Variants in AGAP1 observed in about 807,000 individuals in gnomAD.
AGAP1 encodes the protein arf-GAP with GTPase, ANK repeat and PH domain-containing protein 1.
AGAP1 carries 29 observed loss-of-function variants against 105.3 expected under a neutral mutation model. The ratio of observed to expected loss-of-function variants is 0.28; its 90% CI spans 0.21 to 0.38. The LOEUF (loss-of-function observed/expected upper bound fraction) is 0.38, where lower values mean the gene tolerates loss of function less well. Ranked by LOEUF, AGAP1 falls within the 10% of genes least tolerant of loss-of-function variation. AGAP1 has a pLI of 1.00. For synonymous variants in AGAP1, 509 were observed against 485.9 expected (o/e 1.05, Z -0.63); for missense variants, 998 against 1,165.1 (o/e 0.86, Z 2.09).
At position 235,893,458 on chromosome 2, in the gene AGAP1, T is replaced by C. The variant is rs1375258885; in HGVS notation, c.1155+10009T>C. On this transcript the variant is annotated intron_variant, in intron 10 of 17. Transcript: ENST00000304032. The surrounding 1 kb of genome is among the most constrained non-coding windows in gnomAD (Gnocchi z 4.7). The stretch of plus-strand genomic sequence containing the variant: ...TCATAAGGAAGAGCTGTGTCTGTGG[T>C]GCGGGTGCACCATGTCCATCATAAG... 1.3e-5 allele frequency among the ~76,000 whole-genome samples: 2 copies of C among 149,932 alleles called. No individual in the cohort carries two copies. Among genetic ancestry groups the C allele is most frequent in the Non-Finnish European group, 3.0e-5 (2 of 67,606 alleles).
At chr2:235,924,895 C>T (rs906446237) in intron 11 of AGAP1, among the ~76,000 whole-genome samples, 1 of 152,180 alleles carries the variant, frequency 6.6e-6, no homozygotes, top group Non-Finnish European at 1.5e-5. Flanking sequence ...ACTCTGTCCA[C>T]ATCCCCTGCA....
rs7606029 is a variant in AGAP1 at position 236,060,867 on chromosome 2, G to T, written c.2114+11586G>T. Among the ~76,000 whole-genome samples the T allele has an allele frequency of 7.4e-3, 1,129 of 152,202 alleles. 12 individuals are homozygous for T. The highest frequency in any genetic ancestry group is 0.025 in the African/African-American group (1,040 of 41,530). On this transcript the variant is annotated intron_variant, in intron 16 of 17. Coordinates refer to ENST00000304032, the MANE Select transcript of AGAP1 (RefSeq NM_001037131.3). ...ACTTGAGGCCAGCATCTCAAGACCTGCCTGATCAACATAGTGAGACCCCAC... is the reference window on the plus strand; with the variant it reads ...ACTTGAGGCCAGCATCTCAAGACCTTCCTGATCAACATAGTGAGACCCCAC...
intron 11 of AGAP1, among the ~76,000 whole-genome samples, chr2:235,921,775 T>C (rs1012502477): frequency 6.6e-6 from 1 of 152,198 alleles, no homozygotes; most frequent in African/African-American, 2.4e-5. Context: ...AAAACAAGTA[T>C]CACAGGATGC....
chr2:236,025,552 T>C (rs1421787737), intron 13 of AGAP1, among the ~76,000 whole-genome samples: 1 of 152,116 alleles, frequency 6.6e-6, no homozygotes, highest in South Asian at 2.1e-4. Context: ...ACTGTTTACA[T>C]AATGAGCGTA....
chr2:236,116,173 C>T (rs1551253), intron 16 of AGAP1, among the ~76,000 whole-genome samples: 46,784 of 151,704 alleles, frequency 0.31, 7,471 homozygotes, highest in South Asian at 0.4. Context: ...AGTGCAATGG[C>T]GCAATCTTGG....
At chr2:235,573,922 C>A (rs924414618) in intron 1 of AGAP1, among the ~76,000 whole-genome samples, 66 of 152,334 alleles carry the variant, frequency 4.3e-4, no homozygotes, top group African/African-American at 1.3e-3. Context: ...CCTGGCAGAG[C>A]CTCCCAGCGG....
chr2:236,004,754 A>G (rs538665576), intron 13 of AGAP1, among the ~76,000 whole-genome samples: 1 of 152,218 alleles, frequency 6.6e-6, no homozygotes, highest in African/African-American at 2.4e-5. Context: ...TCGAGTTGTT[A>G]AGCAGTTTAG....
chr2:235,851,984 A>AAAGAGAT (rs2106455558), intron 9 of AGAP1, among the ~76,000 whole-genome samples: 2 of 152,298 alleles, frequency 1.3e-5, no homozygotes, highest in South Asian at 4.1e-4. Flanking sequence ...AGAGAGGGTG[A>AAAGAGAT]AAGAGATTAA....
At position 235,988,536 on chromosome 2, in the gene AGAP1, G is replaced by A. The variant is rs770543033; in HGVS notation, c.1645+19913G>A. The stretch of plus-strand genomic sequence containing the variant: ...CTCTGGCAGGTATGGCTGTTTTTCT[G>A]AGCAGTAGGTACTTAGTCAAGGCAT... On this transcript the variant is annotated intron_variant, in intron 13 of 17. Coordinates refer to ENST00000304032, the MANE Select transcript of AGAP1 (RefSeq NM_001037131.3). The surrounding 1 kb of genome is among the most constrained non-coding windows in gnomAD (Gnocchi z 4.7). Among the ~76,000 whole-genome samples, 30 of 151,878 alleles carry A rather than the reference G, an allele frequency of 2.0e-4. No individual in the cohort carries two copies. The highest frequency in any genetic ancestry group is 1.5e-3 in the South Asian group (7 of 4,804).
chr2:235,875,503 T>C lies in AGAP1; in HGVS notation c.1051-7842T>C, dbSNP rs1198596627. 1.3e-5 allele frequency among the ~76,000 whole-genome samples: 2 copies of C among 152,186 alleles called. No individual in the cohort carries two copies. Among genetic ancestry groups the C allele is most frequent in the African/African-American group, 4.8e-5 (2 of 41,448 alleles). ...TGTGCGGCTCAGGGCCAGGTCGGTT[T>C]TGAGTCACGTGCTTACTGTGTGTCG... On this transcript the variant is annotated intron_variant, in intron 9 of 17. Coordinates refer to ENST00000304032, the MANE Select transcript of AGAP1 (RefSeq NM_001037131.3). This position sits in a 1 kb window ranked among gnomAD's most constrained non-coding sequence, Gnocchi z 4.0.
In AGAP1 at chr2:235,535,701, T is replaced by C. The variant is rs1473761987; in HGVS notation, c.163+40852T>C. 1.3e-5 allele frequency among the ~76,000 whole-genome samples: 2 copies of C among 152,074 alleles called. No individual in the cohort carries two copies. The highest frequency in any genetic ancestry group is 4.8e-5 in the African/African-American group (2 of 41,406). On this transcript the variant is annotated intron_variant, in intron 1 of 17. Transcript: ENST00000304032. The surrounding 1 kb of genome is among the most constrained non-coding windows in gnomAD (Gnocchi z 5.1). ...CCATTCAAGCCACTCACTTTCATTT[T>C]CTATAGAAAAGCCTTTCTGCCGCCT...
chr2:235,506,936 A>G (rs1202236525), intron 1 of AGAP1: 1 of 152,744 alleles, frequency 6.5e-6, no homozygotes, highest in Non-Finnish European at 1.5e-5. Flanking sequence ...TCTTGTGTAC[A>G]TTATCGTCTC....
intron 6 of AGAP1, among the ~76,000 whole-genome samples, chr2:235,767,311 C>T (rs1239203349): frequency 6.6e-6 from 1 of 152,208 alleles, no homozygotes; most frequent in Admixed American, 6.5e-5. Context: ...GAGTGATTGG[C>T]CAGGCACCTC....
chr2:236,001,585 C>T lies in AGAP1; in HGVS notation c.1645+32962C>T, dbSNP rs541698582. Among the ~76,000 whole-genome samples the T allele has an allele frequency of 6.6e-6, 1 of 152,166 alleles. No homozygotes were observed. Among genetic ancestry groups the T allele is most frequent in the South Asian group, 2.1e-4 (1 of 4,822 alleles). On this transcript the variant is annotated intron_variant, in intron 13 of 17. Transcript: ENST00000304032. This position sits in a 1 kb window ranked among gnomAD's most constrained non-coding sequence, Gnocchi z 4.7. ...TTGCAAGCAGAGCTGGCAGGACTTG[C>T]TGAAAGAGTTAATATGGGAAGTGAG... is the stretch of plus-strand genomic sequence containing the variant.
At position 235,560,459 on chromosome 2, in the gene AGAP1, C is replaced by A. The variant is rs180997294; in HGVS notation, c.163+65610C>A. On this transcript the variant is annotated intron_variant, in intron 1 of 17. Transcript: ENST00000304032. ...ATCCCCAGAACTTGCGATGATGTTA[C>A]CTCACATGGCAAAAGGGACTTTACG... Among the ~76,000 whole-genome samples the A allele has an allele frequency of 5.3e-5, 8 of 152,176 alleles. No individual in the cohort carries two copies. In the East Asian group the frequency reaches 1.4e-3, roughly 26 times the overall value.
rs6431417 is a variant in AGAP1, at chr2:235,977,552, T to A, written c.1645+8929T>A. 0.22 allele frequency among the ~76,000 whole-genome samples: 33,552 copies of A among 152,152 alleles called. 10,776 individuals are homozygous for A. Among genetic ancestry groups the A allele is most frequent in the African/African-American group, 0.71 (29,495 of 41,446 alleles). On this transcript the variant is annotated intron_variant, in intron 13 of 17. Transcript: ENST00000304032. This position sits in a 1 kb window ranked among gnomAD's most constrained non-coding sequence, Gnocchi z 5.2. ...GCACGAGGGTGTTTTTCTCGGCCTC[T>A]GCAGCCCTCAGATGTTCCCACGCTC...
intron 16 of AGAP1, among the ~76,000 whole-genome samples, chr2:236,111,655 G>C (rs2059646032): frequency 6.6e-6 from 1 of 152,068 alleles, no homozygotes; most frequent in Admixed American, 6.6e-5. Context: ...AGCCAAGCAT[G>C]GTGGTATACA....
rs1242015454 is a variant in AGAP1 at position 235,930,982 on chromosome 2, CAG to C, written c.1483+60_1483+61del. The C allele has an allele frequency of 1.9e-6, 3 of 1,581,624 alleles. No individual in the cohort carries two copies. Among genetic ancestry groups the C allele is most frequent in the Non-Finnish European group, 2.6e-6 (3 of 1,162,846 alleles). ...CACCTCAAGGTCCTTCGTTGTAAGC[CAG>C]GGGCTGGACAGGACGCCCTAAGCTC... On this transcript the variant is annotated intron_variant, in intron 12 of 17. Transcript: ENST00000304032. This position sits in a 1 kb window ranked among gnomAD's most constrained non-coding sequence, Gnocchi z 7.9.
At position 236,124,182 on chromosome 2, in the gene AGAP1, GC is replaced by G. The variant is rs1559299660; in HGVS notation, c.*61del. On this transcript the variant is annotated 3_prime_UTR_variant, in exon 18 of 18. Coordinates refer to ENST00000304032, the MANE Select transcript of AGAP1 (RefSeq NM_001037131.3). This position sits in a 1 kb window ranked among gnomAD's most constrained non-coding sequence, Gnocchi z 5.1. ...GACGCGGCAGCCTCGCCGCATTCTC[GC>G]TCAGAAGTCGCAGCACGTGAGTCCC... 19 of 1,576,346 alleles carry G rather than the reference GC, an allele frequency of 1.2e-5. No individual in the cohort carries two copies. The East Asian group carries it at 4.4e-4, about 36-fold the overall frequency.
Sources: gnomAD v4.1 joint callset for allele counts (sites outside exome capture counted in the v4.1 genomes callset) on GRCh38, gnomAD v4.1.1 for gene constraint, Gnocchi (gnomAD v3.1) non-coding constraint, MANE v1.5 for transcripts, NCBI Gene and HGNC (gene_info 2026-07-23, HGNC 2026-07-21) for gene names.